The following GARNL3 variants were observed in gnomAD, a reference collection of about 807,000 sequenced individuals.
GARNL3 encodes the protein GTPase-activating Rap/Ran-GAP domain-like protein 3.
GARNL3 carries 63 observed loss-of-function variants against 125.0 expected under a neutral mutation model. That is an observed-to-expected ratio of 0.50 (90% CI 0.41 to 0.62). The LOEUF is 0.62. Ranked by LOEUF, GARNL3 falls within the 20% of genes least tolerant of loss-of-function variation. GARNL3 has a pLI of 0.00. For missense variants in GARNL3, 994 were observed against 1,244.0 expected (o/e 0.80, Z 3.02); for synonymous variants, 439 against 457.5 (o/e 0.96, Z 0.52).
At chr9:127,233,738 C>T (rs188573858) in intron 1 of GARNL3, among the ~76,000 whole-genome samples, 6 of 152,318 alleles carry the variant, frequency 3.9e-5, no homozygotes, top group Non-Finnish European at 5.9e-5. Context: ...ATAGAACCCA[C>T]GCCTTGTGAG....
In GARNL3 at chr9:127,366,199, A is replaced by G. The variant is rs542779634; in HGVS notation, c.2161+833A>G. 1.7e-3 allele frequency among the ~76,000 whole-genome samples: 262 copies of G among 152,366 alleles called. 1 individual carries two copies. Among genetic ancestry groups the G allele is most frequent in the African/African-American group, 5.9e-3 (245 of 41,592 alleles). ...GTTTTGATTAATTAATCTTTGATTAATAAGTATAAGAAAGCTAATTATTAG... is the reference window on the plus strand; with the variant it reads ...GTTTTGATTAATTAATCTTTGATTAGTAAGTATAAGAAAGCTAATTATTAG... On this transcript the variant is annotated intron_variant, in intron 22 of 27. Coordinates refer to ENST00000373387, the MANE Select transcript of GARNL3 (RefSeq NM_032293.5).
At chr9:127,260,645 A>G (rs1405749946), upstream of GARNL3, among the ~76,000 whole-genome samples, 1 of 152,180 alleles carries the variant, frequency 6.6e-6, no homozygotes, top group Admixed American at 6.5e-5. Flanking sequence ...GTTGTAATCC[A>G]AAAGCAGCCA....
chr9:127,261,470 G>A (rs1266969267), upstream of GARNL3, among the ~76,000 whole-genome samples: 2 of 147,570 alleles, frequency 1.4e-5, no homozygotes, highest in Non-Finnish European at 3.0e-5. Flanking sequence ...GAGTGCAATG[G>A]CACAATCTCA....
intron 22 of GARNL3, among the ~76,000 whole-genome samples, chr9:127,373,640 CT>C (rs34981500): frequency 6.6e-6 from 1 of 152,168 alleles, no homozygotes; most frequent in Non-Finnish European, 1.5e-5. Context: ...CAAAAGAGGT[CT>C]TTCAGGTTGC....
rs1832954649 is a variant in GARNL3, at chr9:127,393,077, T to C, written c.2871-6T>C. 6.3e-7 allele frequency: 1 copy of C among 1,589,318 alleles called. No individual in the cohort carries two copies. Among genetic ancestry groups the C allele is most frequent in the Non-Finnish European group, 8.6e-7 (1 of 1,160,804 alleles). ...AGATCCTCTTACAGTGACTTTTCTCTTCTAGGATCCCATCAGGCTCCTTGG... is the reference window on the plus strand; with the variant it reads ...AGATCCTCTTACAGTGACTTTTCTCCTCTAGGATCCCATCAGGCTCCTTGG... On this transcript the variant is annotated splice_polypyrimidine_tract_variant and splice_region_variant and intron_variant, in intron 27 of 27. Coordinates refer to ENST00000373387, the MANE Select transcript of GARNL3 (RefSeq NM_032293.5).
chr9:127,236,835 C>T (rs974788500), intron 1 of GARNL3, among the ~76,000 whole-genome samples: 2 of 152,158 alleles, frequency 1.3e-5, no homozygotes, highest in African/African-American at 4.8e-5. Context: ...CCTATGTATT[C>T]CAGTAAAAAT....
At chr9:127,263,188 G>A (rs1243445282), upstream of GARNL3, among the ~76,000 whole-genome samples, 1 of 152,186 alleles carries the variant, frequency 6.6e-6, no homozygotes, top group Non-Finnish European at 1.5e-5. Context: ...AGGATATAGG[G>A]TTATGTGTTT....
chr9:127,328,182 A>G (rs2065632685), intron 7 of GARNL3, among the ~76,000 whole-genome samples: 1 of 152,146 alleles, frequency 6.6e-6, no homozygotes, highest in Non-Finnish European at 1.5e-5. Flanking sequence ...TGTGAAAAAT[A>G]AGTTGCTGAT....
At chr9:127,378,035 G>A (rs1014895261) in intron 22 of GARNL3, among the ~76,000 whole-genome samples, 4 of 151,854 alleles carry the variant, frequency 2.6e-5, no homozygotes, top group African/African-American at 9.7e-5. Flanking sequence ...GAGCTCAGGA[G>A]TTCGAGACCA....
rs962222875 is a variant in GARNL3 at position 127,364,960 on chromosome 9, T to C, written c.2095-340T>C. 3.9e-6 allele frequency: 1 copy of C among 254,090 alleles called. No homozygotes were observed. Among genetic ancestry groups the C allele is most frequent in the Non-Finnish European group, 7.5e-6 (1 of 133,566 alleles). The allele number at this position is 254,090 out of a possible 1,614,324, so 15.7% of individuals were successfully genotyped here. On this transcript the variant is annotated intron_variant, in intron 21 of 27. Coordinates refer to ENST00000373387, the MANE Select transcript of GARNL3 (RefSeq NM_032293.5). This position sits in a 1 kb window ranked among gnomAD's most constrained non-coding sequence, Gnocchi z 4.2. ...GCAAAAGTAATTGCAGTTTTTGCCA[T>C]TGGAAATAATGGCATATAAACCTGA...
intron 1 of GARNL3, among the ~76,000 whole-genome samples, chr9:127,283,820 T>C (rs2064166046): frequency 6.6e-6 from 1 of 152,170 alleles, no homozygotes; most frequent in Non-Finnish European, 1.5e-5. Context: ...TGTTGTTTGT[T>C]TGTTTGTTTC....
chr9:127,240,657 C>T (rs2063187872), intron 1 of GARNL3, among the ~76,000 whole-genome samples: 1 of 152,196 alleles, frequency 6.6e-6, no homozygotes, highest in Non-Finnish European at 1.5e-5. Flanking sequence ...AATCCCAACA[C>T]TTTGGGAAGT....
intron 22 of GARNL3, among the ~76,000 whole-genome samples, chr9:127,380,526 A>G (rs1832192949): frequency 1.3e-5 from 2 of 152,204 alleles, no homozygotes; most frequent in Non-Finnish European, 2.9e-5. Context: ...AGCAAAAAGC[A>G]GAAACAACCC....
In GARNL3 at chr9:127,339,229, G is replaced by A. The variant is rs10120307; in HGVS notation, c.1029-416G>A. 7.4e-4 allele frequency among the ~76,000 whole-genome samples: 112 copies of A among 152,036 alleles called. 1 individual carries two copies. The highest frequency in any genetic ancestry group is 2.3e-3 in the African/African-American group (94 of 41,450). ...GGAGAATGGTGTGAACCCGGGAGGC[G>A]GAGCTTGCAGTGAGCCCAGATCGCA... On this transcript the variant is annotated intron_variant, in intron 12 of 27. Transcript: ENST00000373387.
At chr9:127,301,204 T>C (rs867835561) in intron 2 of GARNL3, among the ~76,000 whole-genome samples, 59 of 152,332 alleles carry the variant, frequency 3.9e-4, no homozygotes, top group African/African-American at 1.4e-3. Context: ...GTGAGGTTGT[T>C]ATTGAACCTT....
At chr9:127,256,298 A>T (rs1252926576) in intron 2 of GARNL3, among the ~76,000 whole-genome samples, 1 of 152,192 alleles carries the variant, frequency 6.6e-6, no homozygotes, top group East Asian at 1.9e-4. Flanking sequence ...CCACTTAGTT[A>T]GTAATGTTTC....
intron 2 of GARNL3, among the ~76,000 whole-genome samples, chr9:127,250,305 TTA>T: frequency 6.6e-6 from 1 of 152,314 alleles, no homozygotes; most frequent in East Asian, 1.9e-4. Flanking sequence ...ACTGAATGTG[TTA>T]TCTCTTCAAA....
Position 127,313,573 on chromosome 9 carries a change from T to C in GARNL3, c.438+14T>C. The stretch of plus-strand genomic sequence containing the variant: ...TGGAGAAAAACAGTAAGTATATGGC[T>C]CACACTTGAAGCAAAATTTATGCAT... On this transcript the variant is annotated intron_variant, in intron 4 of 27. Transcript: ENST00000373387. The C allele has an allele frequency of 6.4e-7, 1 of 1,563,500 alleles. No homozygotes were observed. The highest frequency in any genetic ancestry group is 1.1e-5 in the South Asian group (1 of 90,018).
intron 2 of GARNL3, chr9:127,245,261 C>T (rs867035371): frequency 7.2e-5 from 11 of 152,326 alleles, no homozygotes; most frequent in African/African-American, 2.7e-4. Flanking sequence ...AGCCTATGAG[C>T]ACAGCGCAAG....
Sources: gnomAD v4.1 joint callset for allele counts (sites outside exome capture counted in the v4.1 genomes callset) on GRCh38, gnomAD v4.1.1 for gene constraint, Gnocchi (gnomAD v3.1) non-coding constraint, MANE v1.5 for transcripts, NCBI Gene and HGNC (gene_info 2026-07-23, HGNC 2026-07-21) for gene names.